Variants in ESR1 observed in about 807,000 individuals in gnomAD.
ESR1 encodes estrogen receptor.
In ESR1, 12 loss-of-function variants were observed where a neutral mutation model predicts 52.7. That is an observed-to-expected ratio of 0.23 (90% confidence interval 0.15 to 0.37). The LOEUF is 0.37. Among genes scored for constraint, ESR1 ranks in the 10% least tolerant of loss-of-function variants. The pLI is 1.00. For synonymous variants in ESR1, 305 were observed against 316.8 expected (o/e 0.96, Z 0.39); for missense variants, 584 against 779.7 (o/e 0.75, Z 2.99).
chr6:151,801,780 T>A (rs544762195), upstream of ESR1, among the ~76,000 whole-genome samples: 2 of 151,992 alleles, frequency 1.3e-5, no homozygotes, highest in Non-Finnish European at 1.5e-5. Flanking sequence ...GCCTTGGGGG[T>A]CCCATTGCAG....
chr6:151,958,667 G>A (rs2037281133), intron 4 of ESR1, among the ~76,000 whole-genome samples: 1 of 152,182 alleles, frequency 6.6e-6, no homozygotes, highest in Non-Finnish European at 1.5e-5. Context: ...TTCTAAAAAT[G>A]TGTGTTATAG....
At chr6:151,686,064 A>ATTT (rs557270210), upstream of ESR1, among the ~76,000 whole-genome samples, 591 of 114,310 alleles carry the variant, frequency 5.2e-3, 8 homozygotes, top group African/African-American at 0.015. Flanking sequence ...AATTAAAACA[A>ATTT]TTTTTTTTTT....
intron 4 of ESR1, among the ~76,000 whole-genome samples, chr6:151,953,764 A>C (rs1210578232): frequency 6.6e-6 from 1 of 152,100 alleles, no homozygotes; most frequent in Admixed American, 6.6e-5. Context: ...ACAGTGGAGC[A>C]GAATTAAAAG....
intron 2 of ESR1, among the ~76,000 whole-genome samples, chr6:151,843,368 TTAAG>T (rs1296121840): frequency 2.0e-5 from 3 of 152,210 alleles, no homozygotes; most frequent in Admixed American, 6.5e-5. Context: ...CAAACAGTTA[TTAAG>T]TATCTACCTG....
chr6:151,865,209 A>G (rs1047190842), intron 2 of ESR1, among the ~76,000 whole-genome samples: 1 of 152,102 alleles, frequency 6.6e-6, no homozygotes, highest in Non-Finnish European at 1.5e-5. Context: ...GTTAACATAC[A>G]TTACCTTATG....
At chr6:152,090,292 A>C (rs2050077360) in intron 6 of ESR1, among the ~76,000 whole-genome samples, 1 of 152,198 alleles carries the variant, frequency 6.6e-6, no homozygotes, top group Non-Finnish European at 1.5e-5. Context: ...CAGACTACTT[A>C]AATTGTGACT....
chr6:152,117,789 G>A (rs1259731621), intron 6 of ESR1, among the ~76,000 whole-genome samples: 1 of 152,190 alleles, frequency 6.6e-6, no homozygotes, highest in Admixed American at 6.5e-5. Context: ...GTCTGTGGTA[G>A]CCTCCAGTGG....
chr6:152,090,250 CCTT>C lies in ESR1; in HGVS notation c.1370-4132_1370-4130del, dbSNP rs1031668582. Among the ~76,000 whole-genome samples, 28 of 152,326 alleles carry C rather than the reference CCTT, an allele frequency of 1.8e-4. No homozygotes were observed. The East Asian group carries it at 2.1e-3, about 12-fold the overall frequency. On this transcript the variant is annotated intron_variant, in intron 6 of 7. Transcript: ENST00000206249. ...ACCTCTGAGAATGCTGAAATCTCCT[CCTT>C]CTCCAAGCTGAGTGGCAGCTTTCTG...
chr6:151,663,009 A>G (rs1316994163), intron 1 of ESR1, among the ~76,000 whole-genome samples: 1 of 152,064 alleles, frequency 6.6e-6, no homozygotes, highest in African/African-American at 2.4e-5. Flanking sequence ...TAAACCACTT[A>G]AGTTATCTGT....
downstream of ESR1, among the ~76,000 whole-genome samples, chr6:152,105,270 G>A (rs2051049511): frequency 6.6e-6 from 1 of 152,208 alleles, no homozygotes; most frequent in South Asian, 2.1e-4. Flanking sequence ...CAGAGGTATA[G>A]GTGACAACTT....
intron 4 of ESR1, among the ~76,000 whole-genome samples, chr6:151,945,106 T>C (rs2035551098): frequency 1.3e-5 from 2 of 151,964 alleles, no homozygotes; most frequent in African/African-American, 4.8e-5. Context: ...TGGTCCCAGT[T>C]ATGGGGGAGG....
chr6:151,797,125 G>A (rs1562413925), intron 2 of ESR1, among the ~76,000 whole-genome samples: 1 of 152,226 alleles, frequency 6.6e-6, no homozygotes, highest in Non-Finnish European at 1.5e-5. Flanking sequence ...AGTGTTACTG[G>A]CTACTTAGCT....
chr6:152,090,827 CT>C (rs2050121240), intron 6 of ESR1, among the ~76,000 whole-genome samples: 1 of 152,186 alleles, frequency 6.6e-6, no homozygotes, highest in Admixed American at 6.5e-5. Context: ...CGTGGCTTCA[CT>C]CCCCTTTCGT....
chr6:152,128,885 T>A (rs1281022275), exon 7 of ESR1: 3 of 152,198 alleles, frequency 2.0e-5, no homozygotes, highest in Admixed American at 2.0e-4. Context: ...CAAACAGAGG[T>A]ACCGACGGTA....
chr6:152,048,669 T>C (rs767724457), intron 5 of ESR1, among the ~76,000 whole-genome samples: 2 of 152,176 alleles, frequency 1.3e-5, no homozygotes, highest in African/African-American at 4.8e-5. Context: ...CAATATTTAC[T>C]GCGTGAAGGA....
chr6:151,823,778 A>G (rs1302669570), intron 1 of ESR1, among the ~76,000 whole-genome samples: 1 of 152,178 alleles, frequency 6.6e-6, no homozygotes, highest in African/African-American at 2.4e-5. Context: ...AGCTTCATCC[A>G]TGTCCCTACA....
chr6:152,121,061 C>T (rs781078568), intron 6 of ESR1, among the ~76,000 whole-genome samples: 9 of 152,246 alleles, frequency 5.9e-5, no homozygotes, highest in East Asian at 1.9e-4. Flanking sequence ...ATATGTGCTC[C>T]GGACTAGGGC....
Position 152,122,638 on chromosome 6 carries a change from G to A in ESR1, c.851-2628G>A, listed in dbSNP as rs762769598. Reference sequence around the variant, plus strand: ...GCCGCGGCCGGACCGACCTGGCCCTGGCTCAGAAAGGGAGGAATCGGAGCC... The same window carrying A: ...GCCGCGGCCGGACCGACCTGGCCCTAGCTCAGAAAGGGAGGAATCGGAGCC... On this transcript the variant is annotated intron_variant, in intron 6 of 6. Transcript: ENST00000427531. 6.2e-7 allele frequency: 1 copy of A among 1,614,090 alleles called. No homozygotes were observed. Among genetic ancestry groups the A allele is most frequent in the South Asian group, 1.1e-5 (1 of 91,080 alleles).
intron 2 of ESR1, among the ~76,000 whole-genome samples, chr6:151,721,869 G>A (rs1261198281): frequency 1.3e-5 from 2 of 152,210 alleles, no homozygotes; most frequent in Non-Finnish European, 2.9e-5. Flanking sequence ...TTAAACAAAT[G>A]TACGTTGCAT....
Sources: allele counts gnomAD v4.1 joint callset (sites outside exome capture counted in the v4.1 genomes callset), GRCh38; gene constraint gnomAD v4.1.1; transcripts MANE v1.5; gene names NCBI Gene and HGNC (gene_info 2026-07-23, HGNC 2026-07-21).